BTRC: variants seen among roughly 807,000 people sequenced by gnomAD.
BTRC encodes beta-transducin repeat containing E3 ubiquitin protein ligase, also known as F-box/WD repeat-containing protein 1A.
In BTRC, 42 loss-of-function variants were observed where a neutral mutation model predicts 85.5. The observed-to-expected ratio is 0.49, with a 90% CI of 0.38 to 0.64. BTRC has a LOEUF of 0.64. Ranked by LOEUF, BTRC falls within the 30% of genes least tolerant of loss-of-function variation. BTRC has a pLI of 0.00. For synonymous variants in BTRC, 255 were observed against 263.3 expected (o/e 0.97, Z 0.30); for missense variants, 594 against 743.5 (o/e 0.80, Z 2.34).
intron 1 of BTRC, among the ~76,000 whole-genome samples, chr10:101,366,991 TATTA>T (rs1235602994): frequency 1.4e-5 from 1 of 71,442 alleles, no homozygotes; most frequent in Non-Finnish European, 2.6e-5. Context: ...TATTTATATA[TATTA>T]ATATATATAT....
At position 101,553,192 on chromosome 10, in the gene BTRC, T is replaced by C. The variant is rs2062678361; in HGVS notation, c.*69T>C. On this transcript the variant is annotated 3_prime_UTR_variant, in exon 15 of 15. Coordinates refer to ENST00000370187, the MANE Select transcript of BTRC (RefSeq NM_033637.4). ...TTGCGGTATTTAACGTATCTGCCAATACCAGGATGAGCAACAACAGTAACA... is the reference window on the plus strand; with the variant it reads ...TTGCGGTATTTAACGTATCTGCCAACACCAGGATGAGCAACAACAGTAACA... The C allele has an allele frequency of 6.5e-6, 1 of 152,778 alleles. No individual in the cohort carries two copies. The highest frequency in any genetic ancestry group is 6.5e-5 in the Admixed American group (1 of 15,300). The allele number at this position is 152,778 out of a possible 1,614,324, so 9.5% of individuals were successfully genotyped here.
intron 1 of BTRC, among the ~76,000 whole-genome samples, chr10:101,357,895 C>G (rs901603477): frequency 2.6e-5 from 4 of 152,176 alleles, no homozygotes; most frequent in African/African-American, 7.2e-5. Flanking sequence ...CATTAACTTA[C>G]GTGCTAATGT....
At chr10:101,520,344 C>T (rs1418265679) in intron 4 of BTRC, among the ~76,000 whole-genome samples, 1 of 152,074 alleles carries the variant, frequency 6.6e-6, no homozygotes, top group Admixed American at 6.6e-5. Flanking sequence ...TAAGCTACTG[C>T]ACCTGGCTGC....
intron 12 of BTRC, 64 bp downstream of exon 12, chr10:101,536,717 G>C: frequency 8.3e-7 from 1 of 1,205,238 alleles, no homozygotes; most frequent in East Asian, 2.4e-5. Context: ...TTATGTTTAT[G>C]GTGTTAAACA....
At chr10:101,387,649 C>T (rs1943118629) in intron 1 of BTRC, among the ~76,000 whole-genome samples, 1 of 149,982 alleles carries the variant, frequency 6.7e-6, no homozygotes, top group Non-Finnish European at 1.5e-5. Flanking sequence ...GCCTCACCTT[C>T]CCGAGTTGTT....
chr10:101,541,223 A>G (rs1381749687), intron 13 of BTRC, among the ~76,000 whole-genome samples: 1 of 151,180 alleles, frequency 6.6e-6, no homozygotes, highest in African/African-American at 2.4e-5. Context: ...ACCGTTTCAC[A>G]TATGTGTATA....
intron 4 of BTRC, among the ~76,000 whole-genome samples, chr10:101,484,280 T>A (rs1017323873): frequency 1.3e-5 from 2 of 152,246 alleles, no homozygotes; most frequent in Non-Finnish European, 2.9e-5. Context: ...CAAAATTATA[T>A]CCGCAGGAAA....
At chr10:101,518,672 C>T (rs1020544314) in intron 4 of BTRC, among the ~76,000 whole-genome samples, 2 of 152,188 alleles carry the variant, frequency 1.3e-5, no homozygotes, top group Non-Finnish European at 1.5e-5. Context: ...TCCTTGCTCA[C>T]TCTGTTCCAG....
At chr10:101,532,692 A>G (rs1019357374) in intron 8 of BTRC, among the ~76,000 whole-genome samples, 1 of 151,784 alleles carries the variant, frequency 6.6e-6, no homozygotes, top group Non-Finnish European at 1.5e-5. Context: ...TCACATAATT[A>G]TAGACTACCC....
chr10:101,463,079 T>A (rs1389217176), intron 3 of BTRC, among the ~76,000 whole-genome samples: 3 of 149,710 alleles, frequency 2.0e-5, no homozygotes, highest in African/African-American at 7.5e-5. Context: ...ACAGTCTTGC[T>A]CTATCGCCCA....
At chr10:101,376,152 C>G (rs1942785388) in intron 1 of BTRC, among the ~76,000 whole-genome samples, 1 of 152,136 alleles carries the variant, frequency 6.6e-6, no homozygotes, top group Non-Finnish European at 1.5e-5. Context: ...GTGGTGAAAC[C>G]CCGTCTCTAC....
intron 1 of BTRC, among the ~76,000 whole-genome samples, chr10:101,423,163 C>G (rs1372088041): frequency 6.6e-6 from 1 of 152,108 alleles, no homozygotes; most frequent in Non-Finnish European, 1.5e-5. Context: ...GTCCTCCCAC[C>G]TTGGCCTCCC....
At position 101,510,597 on chromosome 10, in the gene BTRC, A is replaced by T. The variant is rs181490384; in HGVS notation, c.325-11042A>T. Among the ~76,000 whole-genome samples, 17 of 152,206 alleles carry T rather than the reference A, an allele frequency of 1.1e-4. No homozygotes were observed. The East Asian group carries it at 2.3e-3, about 21-fold the overall frequency. On this transcript the variant is annotated intron_variant, in intron 4 of 14. Coordinates refer to ENST00000370187, the MANE Select transcript of BTRC (RefSeq NM_033637.4). Reference sequence around the variant, plus strand: ...TCTAGAGAGTATAATATAGACTTTTAAAAAATCTCTTCCTTTCCCCCTCAA... The same window carrying T: ...TCTAGAGAGTATAATATAGACTTTTTAAAAATCTCTTCCTTTCCCCCTCAA...
At chr10:101,546,138 T>C (rs1257084943) in intron 13 of BTRC, among the ~76,000 whole-genome samples, 1 of 152,342 alleles carries the variant, frequency 6.6e-6, no homozygotes, top group East Asian at 1.9e-4. Flanking sequence ...AATTGACAAC[T>C]ATAGAATGCT....
At chr10:101,407,883 C>T (rs920412998) in intron 1 of BTRC, among the ~76,000 whole-genome samples, 2 of 151,918 alleles carry the variant, frequency 1.3e-5, no homozygotes, top group Non-Finnish European at 2.9e-5. Flanking sequence ...CCACCATGCC[C>T]AGCTAATTTT....
intron 4 of BTRC, among the ~76,000 whole-genome samples, chr10:101,491,992 A>G (rs1009433888): frequency 2.0e-5 from 3 of 152,000 alleles, no homozygotes; most frequent in Non-Finnish European, 2.9e-5. Context: ...CTCCCTGGAT[A>G]TTCTCTAATG....
chr10:101,385,448 G>A (rs1943044912), intron 1 of BTRC, among the ~76,000 whole-genome samples: 1 of 150,446 alleles, frequency 6.6e-6, no homozygotes, highest in Non-Finnish European at 1.5e-5. Flanking sequence ...AGATGAATTA[G>A]AAGGAAGAAA....
intron 2 of BTRC, among the ~76,000 whole-genome samples, chr10:101,442,262 A>ATCTCTCTCTCTCTCTCTCTCTCTCTCTC (rs10531761): frequency 1.8e-4 from 23 of 129,622 alleles, no homozygotes; most frequent in Admixed American, 5.6e-4. Context: ...TTGAATTAGA[A>ATCTCTCTCTCTCTCTCTCTCTCTCTCTC]TCTCTCTCTC....
At chr10:101,505,951 G>C (rs1344404664) in intron 4 of BTRC, among the ~76,000 whole-genome samples, 1 of 149,252 alleles carries the variant, frequency 6.7e-6, no homozygotes, top group African/African-American at 2.5e-5. Flanking sequence ...GTCTCGCTGT[G>C]TCGCCCAGGC....
Sources: allele counts gnomAD v4.1 joint callset (sites outside exome capture counted in the v4.1 genomes callset), GRCh38; gene constraint gnomAD v4.1.1; transcripts MANE v1.5; gene names NCBI Gene and HGNC (gene_info 2026-07-23, HGNC 2026-07-21).